The following PARD3B variants were observed in gnomAD, a reference collection of about 807,000 sequenced individuals.
The protein encoded by PARD3B is par-3 family cell polarity regulator beta, also known as partitioning defective 3 homolog B.
In PARD3B, 103 loss-of-function variants were observed where a neutral mutation model predicts 130.2. The observed-to-expected ratio is 0.79, with a 90% CI of 0.67 to 0.93. PARD3B has a LOEUF of 0.93. Ranked by LOEUF, PARD3B falls within the 40% of genes least tolerant of loss-of-function variation. PARD3B has a pLI of 0.00. For missense variants in PARD3B, 1,609 were observed against 1,499.2 expected (o/e 1.07, Z -1.21); for synonymous variants, 583 against 553.2 (o/e 1.05, Z -0.76).
At chr2:205,286,974 G>T (rs1042921931) in intron 16 of PARD3B, among the ~76,000 whole-genome samples, 4 of 152,186 alleles carry the variant, frequency 2.6e-5, no homozygotes, top group Admixed American at 6.5e-5. Flanking sequence ...TCACAAAGGA[G>T]TCAGGGGTCA....
intron 1 of PARD3B, among the ~76,000 whole-genome samples, chr2:204,632,323 A>C (rs1312285963): frequency 2.0e-5 from 3 of 152,114 alleles, no homozygotes; most frequent in Non-Finnish European, 4.4e-5. Flanking sequence ...TAAATTACCC[A>C]GTCTCAGGCA....
chr2:205,272,548 TTTCTTCTTGTCTGGCATCAAGGACAG>T (rs1395098438), intron 16 of PARD3B, among the ~76,000 whole-genome samples: 1 of 152,164 alleles, frequency 6.6e-6, no homozygotes, highest in Middle Eastern at 3.2e-3. Context: ...AAAAAAAGGG[TTTCTTCTTGTCTGGCATCAAGGACAG>T]AGGAGGCAGG....
intron 22 of PARD3B, among the ~76,000 whole-genome samples, chr2:205,607,006 T>G (rs921616937): frequency 1.3e-5 from 2 of 152,160 alleles, no homozygotes; most frequent in African/African-American, 4.8e-5. Context: ...AATTGATTCT[T>G]AGTGATGCCA....
At chr2:205,083,218 CA>C (rs1344807907) in intron 4 of PARD3B, among the ~76,000 whole-genome samples, 1 of 151,072 alleles carries the variant, frequency 6.6e-6, no homozygotes, top group African/African-American at 2.4e-5. Context: ...TGTGCCCAGC[CA>C]AAATACATCA....
intron 18 of PARD3B, among the ~76,000 whole-genome samples, chr2:205,322,320 T>C (rs558352036): frequency 2.2e-4 from 33 of 152,164 alleles, no homozygotes; most frequent in Non-Finnish European, 3.4e-4. Flanking sequence ...TGTTAGGTAG[T>C]TGGGGTGTAT....
At chr2:204,598,638 T>G (rs2033390873) in intron 1 of PARD3B, among the ~76,000 whole-genome samples, 1 of 152,126 alleles carries the variant, frequency 6.6e-6, no homozygotes, top group Non-Finnish European at 1.5e-5. Context: ...CAAGTATGTA[T>G]GTGTACAATA....
intron 18 of PARD3B, among the ~76,000 whole-genome samples, chr2:205,359,881 G>A (rs1401093846): frequency 6.6e-6 from 1 of 152,072 alleles, no homozygotes; most frequent in Non-Finnish European, 1.5e-5. Flanking sequence ...GGAATCATGG[G>A]AGCCATAGAA....
At chr2:204,748,890 A>G (rs1417058780) in intron 2 of PARD3B, among the ~76,000 whole-genome samples, 2 of 152,184 alleles carry the variant, frequency 1.3e-5, no homozygotes, top group Non-Finnish European at 2.9e-5. Context: ...CATTGAAAGT[A>G]GTTTTGACAG....
At chr2:204,802,843 G>A (rs543828682) in intron 2 of PARD3B, among the ~76,000 whole-genome samples, 1 of 152,208 alleles carries the variant, frequency 6.6e-6, no homozygotes, top group East Asian at 1.9e-4. Context: ...CTGTTGTGGG[G>A]TGAGAGCATA....
chr2:204,626,401 G>C (rs1031740047), intron 1 of PARD3B, among the ~76,000 whole-genome samples: 1 of 152,030 alleles, frequency 6.6e-6, no homozygotes, highest in Admixed American at 6.6e-5. Flanking sequence ...CAGTGTAGCT[G>C]CTTTCACATT....
At chr2:204,573,304 T>C (rs908246858) in intron 1 of PARD3B, among the ~76,000 whole-genome samples, 3 of 152,158 alleles carry the variant, frequency 2.0e-5, no homozygotes, top group African/African-American at 7.2e-5. Context: ...ACCATAGCAA[T>C]ATGGTAGTGG....
chr2:204,873,500 G>A (rs765410451), intron 2 of PARD3B, among the ~76,000 whole-genome samples: 14 of 152,052 alleles, frequency 9.2e-5, no homozygotes, highest in Admixed American at 2.6e-4. Flanking sequence ...TCCTAAGCAC[G>A]TATTTTGTGC....
chr2:205,395,877 CTG>C lies in PARD3B; in HGVS notation c.2631-5134_2631-5133del, dbSNP rs2046011076. ...CTCTGCCGTTTCTCCTCCACTAACT[CTG>C]TCTCCTAGTTTCCTCACCTAGCTTC... is the stretch of plus-strand genomic sequence containing the variant. On this transcript the variant is annotated intron_variant, in intron 18 of 22. Coordinates refer to ENST00000406610, the MANE Select transcript of PARD3B (RefSeq NM_001302769.2). 2.6e-5 allele frequency among the ~76,000 whole-genome samples: 4 copies of C among 152,328 alleles called. No individual in the cohort carries two copies. In the South Asian group the frequency reaches 8.3e-4, roughly 32 times the overall value.
chr2:204,613,217 A>AT (rs2033992667), intron 1 of PARD3B, among the ~76,000 whole-genome samples: 1 of 152,122 alleles, frequency 6.6e-6, no homozygotes, highest in Admixed American at 6.5e-5. Context: ...CTCATGCTTT[A>AT]TTACAAAGGT....
At chr2:204,853,520 G>C (rs910851951) in intron 2 of PARD3B, among the ~76,000 whole-genome samples, 1 of 152,058 alleles carries the variant, frequency 6.6e-6, no homozygotes, top group African/African-American at 2.4e-5. Context: ...TACAGAATAA[G>C]TCAGACGTAA....
intron 21 of PARD3B, among the ~76,000 whole-genome samples, chr2:205,539,473 G>A (rs1254030104): frequency 1.3e-5 from 2 of 152,138 alleles, no homozygotes; most frequent in East Asian, 3.9e-4. Context: ...GCAGGTATGT[G>A]CACAGCCCCT....
At position 205,120,087 on chromosome 2, in the gene PARD3B, G is replaced by T. The variant is rs1382309816; in HGVS notation, c.806+1041G>T. Reference sequence around the variant, plus strand: ...CAAAGATGAGTGGTTGTGGGTCGAGGAAAAGTGGGTACTGGCTGCTAAGTA... The same window carrying T: ...CAAAGATGAGTGGTTGTGGGTCGAGTAAAAGTGGGTACTGGCTGCTAAGTA... On this transcript the variant is annotated intron_variant, in intron 7 of 22. Coordinates refer to ENST00000406610, the MANE Select transcript of PARD3B (RefSeq NM_001302769.2). Among the ~76,000 whole-genome samples the T allele has an allele frequency of 2.6e-5, 4 of 152,106 alleles. 1 individual carries two copies. The highest frequency in any genetic ancestry group is 1.3e-4 in the Admixed American group (2 of 15,260).
intron 1 of PARD3B, among the ~76,000 whole-genome samples, chr2:204,652,656 A>C (rs2035517832): frequency 6.6e-6 from 1 of 152,222 alleles, no homozygotes; most frequent in African/African-American, 2.4e-5. Context: ...TTTTTGTAGC[A>C]GTGCTCCACT....
Position 205,254,744 on chromosome 2 carries a change from G to A in PARD3B, c.2185+8922G>A, listed in dbSNP as rs570030637. On this transcript the variant is annotated intron_variant, in intron 16 of 22. Coordinates refer to ENST00000406610, the MANE Select transcript of PARD3B (RefSeq NM_001302769.2). The stretch of plus-strand genomic sequence containing the variant: ...AGTGGCGCGATCTCGGCTCACTGCA[G>A]GCTCCGCCCCCCGGGGTTCACGCCA... Among the ~76,000 whole-genome samples, 636 of 150,658 alleles carry A rather than the reference G, an allele frequency of 4.2e-3. 1 individual carries two copies. Among genetic ancestry groups the A allele is most frequent in the African/African-American group, 0.012 (512 of 41,018 alleles).
Sources: allele counts gnomAD v4.1 joint callset (sites outside exome capture counted in the v4.1 genomes callset), GRCh38; gene constraint gnomAD v4.1.1; transcripts MANE v1.5; gene names NCBI Gene and HGNC (gene_info 2026-07-23, HGNC 2026-07-21).